Variants in KIF16B observed in about 807,000 individuals in gnomAD.
KIF16B encodes the protein kinesin family member 16B.
Under a neutral mutation model 156.3 loss-of-function variants are expected in KIF16B, and 98 were observed. The observed-to-expected ratio is 0.63, with a 90% CI of 0.53 to 0.74. The LOEUF (loss-of-function observed/expected upper bound fraction) is 0.74, where lower values mean the gene tolerates loss of function less well. Ranked by LOEUF, KIF16B falls within the 30% of genes least tolerant of loss-of-function variation. The pLI is 0.00. For missense variants in KIF16B, 1,421 were observed against 1,606.5 expected (o/e 0.88, Z 1.97); for synonymous variants, 564 against 583.7 (o/e 0.97, Z 0.49).
intron 23 of KIF16B, among the ~76,000 whole-genome samples, chr20:16,338,540 C>T (rs549239269): frequency 6.6e-6 from 1 of 152,144 alleles, no homozygotes; most frequent in Non-Finnish European, 1.5e-5. Context: ...GTCCTTTTAC[C>T]TCTGCCCTGG....
chr20:16,365,269 A>C (rs1451405243), intron 22 of KIF16B, among the ~76,000 whole-genome samples: 4 of 152,214 alleles, frequency 2.6e-5, no homozygotes, highest in Non-Finnish European at 5.9e-5. Context: ...AATATTATTA[A>C]GATATTAGAA....
chr20:16,564,501 G>C (rs185149018), intron 1 of KIF16B, among the ~76,000 whole-genome samples: 7 of 151,982 alleles, frequency 4.6e-5, no homozygotes, highest in Non-Finnish European at 7.4e-5. Flanking sequence ...ATCACACACC[G>C]GGGCCTGTTG....
intron 22 of KIF16B, among the ~76,000 whole-genome samples, chr20:16,365,095 A>T (rs1314548447): frequency 1.3e-5 from 2 of 152,192 alleles, no homozygotes; most frequent in African/African-American, 2.4e-5. Flanking sequence ...CATAATCATT[A>T]ATTGTTTTTC....
rs2065674247 is a variant in KIF16B, at chr20:16,402,239, A to G, written c.1784+2574T>C. On this transcript the variant is annotated intron_variant, in intron 17 of 25. Transcript: ENST00000354981. ...CCAAACATCCCTTCTTCAGGAAGCC[A>G]TTCCTGATCACTCCATCAAACACTG... Among the ~76,000 whole-genome samples, 6 of 152,268 alleles carry G rather than the reference A, an allele frequency of 3.9e-5. No homozygotes were observed. In the South Asian group the frequency reaches 1.0e-3, roughly 26 times the overall value.
intron 17 of KIF16B, 31 bp downstream of exon 17, chr20:16,404,782 C>A (rs1303058773): frequency 1.3e-6 from 2 of 1,515,512 alleles, no homozygotes; most frequent in Non-Finnish European, 1.8e-6. Flanking sequence ...AAGTGATCAT[C>A]ACAGGGAAGG....
At chr20:16,387,154 T>C (rs755857840) in intron 17 of KIF16B, among the ~76,000 whole-genome samples, 2 of 152,162 alleles carry the variant, frequency 1.3e-5, no homozygotes, top group Non-Finnish European at 2.9e-5. Flanking sequence ...GGAGAAATAA[T>C]AGCAGGGTTA....
chr20:16,282,516 T>G (rs953206613), intron 25 of KIF16B, among the ~76,000 whole-genome samples: 2 of 151,810 alleles, frequency 1.3e-5, no homozygotes, highest in African/African-American at 4.8e-5. Context: ...TGGGAATTGG[T>G]TACTTTTATG....
intron 10 of KIF16B, among the ~76,000 whole-genome samples, chr20:16,503,735 A>T (rs1450581334): frequency 6.6e-6 from 1 of 152,178 alleles, no homozygotes; most frequent in Non-Finnish European, 1.5e-5. Context: ...TCCACCAATC[A>T]TCACGGAATG....
chr20:16,367,892 A>G, intron 22 of KIF16B: 3 of 1,504,836 alleles, frequency 2.0e-6, no homozygotes. Flanking sequence ...GAGCTCAGGA[A>G]TCGAACACTC....
At chr20:16,508,186 A>T (rs1289753491) in intron 6 of KIF16B, 86 bp from the exon 7 acceptor site, 1 of 1,462,166 alleles carries the variant, frequency 6.8e-7, no homozygotes, top group Non-Finnish European at 9.4e-7. Flanking sequence ...AATAATACAC[A>T]ACTCCAAAAT....
chr20:16,298,527 TGG>T (rs2122570176), intron 25 of KIF16B, among the ~76,000 whole-genome samples: 1 of 152,348 alleles, frequency 6.6e-6, no homozygotes, highest in African/African-American at 2.4e-5. Context: ...TATTCTCTGA[TGG>T]TAGTTTGTAT....
At chr20:16,371,215 A>AT (rs1254529937) in intron 21 of KIF16B, among the ~76,000 whole-genome samples, 1 of 152,208 alleles carries the variant, frequency 6.6e-6, no homozygotes, top group Non-Finnish European at 1.5e-5. Context: ...TTTCTAGAAC[A>AT]TTCCACATCT....
At chr20:16,284,769 A>T (rs1034661909) in intron 25 of KIF16B, among the ~76,000 whole-genome samples, 27 of 152,226 alleles carry the variant, frequency 1.8e-4, no homozygotes, top group Non-Finnish European at 5.9e-5. Flanking sequence ...GTAACCCAGA[A>T]TATAATAAAA....
At chr20:16,336,042 T>C (rs2064030650) in intron 23 of KIF16B, 27 bp from the exon 24 acceptor site, 3 of 1,369,436 alleles carry the variant, frequency 2.2e-6, no homozygotes, top group Non-Finnish European at 3.1e-6. Context: ...CCAAAATGAA[T>C]AAGCATTAAG....
At chr20:16,340,271 AT>A (rs2064117304) in intron 23 of KIF16B, among the ~76,000 whole-genome samples, 2 of 152,058 alleles carry the variant, frequency 1.3e-5, no homozygotes, top group Non-Finnish European at 2.9e-5. Context: ...TTTCTTAGTG[AT>A]TTCCCTGTTG....
intron 12 of KIF16B, among the ~76,000 whole-genome samples, chr20:16,479,454 C>T (rs1378635608): frequency 1.3e-5 from 2 of 152,022 alleles, no homozygotes; most frequent in Admixed American, 6.6e-5. Flanking sequence ...TGCAGCCAAT[C>T]ACCACAGCAG....
intron 17 of KIF16B, among the ~76,000 whole-genome samples, chr20:16,385,394 G>A (rs1183717318): frequency 1.3e-5 from 2 of 152,096 alleles, no homozygotes; most frequent in African/African-American, 4.8e-5. Flanking sequence ...TGACCCTCGG[G>A]TTTCTGTCCA....
At chr20:16,498,571 A>T (rs1310151727) in intron 10 of KIF16B, among the ~76,000 whole-genome samples, 1 of 152,150 alleles carries the variant, frequency 6.6e-6, no homozygotes, top group Non-Finnish European at 1.5e-5. Context: ...TCTTAGAGAA[A>T]ATTCAGTAAA....
rs149508862 is a variant in KIF16B at position 16,456,103 on chromosome 20, A to T, written c.1303-26121T>A. On this transcript the variant is annotated intron_variant, in intron 12 of 25. Transcript: ENST00000354981. The stretch of plus-strand genomic sequence containing the variant: ...GGAATTCTTCTACTGGAGCCAATAC[A>T]ATACAATACAATACAATACAATACA... 9.3e-5 allele frequency among the ~76,000 whole-genome samples: 12 copies of T among 129,268 alleles called. No individual in the cohort carries two copies. In the South Asian group the frequency reaches 2.9e-3, roughly 31 times the overall value. 84.8% of individuals were successfully genotyped at this position (129,268 alleles called of 152,430 possible).
Sources: allele counts gnomAD v4.1 joint callset (sites outside exome capture counted in the v4.1 genomes callset), GRCh38; gene constraint gnomAD v4.1.1; transcripts MANE v1.5; gene names NCBI Gene and HGNC (gene_info 2026-07-23, HGNC 2026-07-21).